The following ARHGAP10 variants were observed in gnomAD, a reference collection of about 807,000 sequenced individuals.
The protein encoded by ARHGAP10 is Rho GTPase activating protein 10, also known as rho GTPase-activating protein 10.
A neutral mutation model predicts 108.6 loss-of-function variants in ARHGAP10; 87 were observed. The observed-to-expected ratio is 0.80, with a 90% CI of 0.67 to 0.96. The LOEUF is 0.96. Ranked by LOEUF, ARHGAP10 falls within the 40% of genes least tolerant of loss-of-function variation. The probability of loss-of-function intolerance (pLI) is 0.00; values close to 1 mark genes in which losing one functional copy is unlikely to be tolerated. For synonymous variants in ARHGAP10, 347 were observed against 341.1 expected, an observed-to-expected ratio of 1.02 and a Z score of -0.19; for missense variants, 939 against 954.5, an observed-to-expected ratio of 0.98 and a Z score of 0.21.
rs568884808 is a variant in ARHGAP10, at chr4:147,886,792, A to G, written c.1034+4860A>G. 8.1e-4 allele frequency among the ~76,000 whole-genome samples: 123 copies of G among 152,212 alleles called. 4 individuals are homozygous for G. The South Asian group carries it at 0.025, about 31-fold the overall frequency. ...TCTTTTTCTTTTTCTTTTCTTTGAGATAGAGTCTCGCTCTGTCACCCAGGC... is the reference window on the plus strand; with the variant it reads ...TCTTTTTCTTTTTCTTTTCTTTGAGGTAGAGTCTCGCTCTGTCACCCAGGC... On this transcript the variant is annotated intron_variant, in intron 10 of 22. Transcript: ENST00000336498.
At chr4:147,732,698 G>A (rs1474952506) in intron 1 of ARHGAP10, among the ~76,000 whole-genome samples, 3 of 151,670 alleles carry the variant, frequency 2.0e-5, no homozygotes. Context: ...CCAGCTGCCA[G>A]CGGGCCCCGC....
chr4:147,908,294 A>T (rs1736584188), intron 11 of ARHGAP10, among the ~76,000 whole-genome samples: 1 of 152,218 alleles, frequency 6.6e-6, no homozygotes, highest in African/African-American at 2.4e-5. Context: ...CGCCCCAGAG[A>T]TGCAGGAAGT....
intron 1 of ARHGAP10, among the ~76,000 whole-genome samples, chr4:147,820,590 T>C: frequency 7.4e-6 from 1 of 134,394 alleles, no homozygotes; most frequent in South Asian, 2.6e-4. Flanking sequence ...GTTTTTTTTT[T>C]TTTTTTTTTT....
chr4:147,844,079 T>C (rs1733533718), intron 3 of ARHGAP10, among the ~76,000 whole-genome samples: 1 of 152,214 alleles, frequency 6.6e-6, no homozygotes, highest in African/African-American at 2.4e-5. Context: ...TGGGCGTTTC[T>C]CAGCATCTGG....
rs796801839 is a variant in ARHGAP10, at chr4:147,947,962, G to A, written c.1391+1258G>A. On this transcript the variant is annotated intron_variant, in intron 15 of 22. Transcript: ENST00000336498. ...GCCACTGTTTTTTTTTTTTTTTTGA[G>A]ACAGAGTCTTGCTGTTGGCCCGGGC... Among the ~76,000 whole-genome samples, 476 of 123,642 alleles carry A rather than the reference G, an allele frequency of 3.8e-3. 2 individuals carry two copies. Among genetic ancestry groups the A allele is most frequent in the African/African-American group, 0.014 (454 of 32,290 alleles). 81.1% of individuals were successfully genotyped at this position (123,642 alleles called of 152,430 possible). A position where few individuals can be genotyped will look rare whatever the true frequency, so the allele number is the denominator to read the frequency against.
At chr4:147,898,192 T>C (rs550344785) in intron 10 of ARHGAP10, among the ~76,000 whole-genome samples, 4 of 87,930 alleles carry the variant, frequency 4.5e-5, no homozygotes, top group African/African-American at 1.2e-4. Flanking sequence ...TAGGCTGCAT[T>C]TCTTGTAATG....
chr4:148,055,463 C>A (rs1399861887), intron 20 of ARHGAP10, among the ~76,000 whole-genome samples: 1 of 152,178 alleles, frequency 6.6e-6, no homozygotes, highest in Non-Finnish European at 1.5e-5. Context: ...CTGAGGCAGG[C>A]AGATCACTTG....
chr4:148,049,832 TGGGGGGG>T (rs1398064644), intron 20 of ARHGAP10, among the ~76,000 whole-genome samples: 1 of 17,050 alleles, frequency 5.9e-5, no homozygotes, highest in Non-Finnish European at 1.3e-4. Context: ...TTTTTTTGGG[TGGGGGGG>T]CGGGGGGCGG....
chr4:147,934,783 G>T (rs1195382521), intron 13 of ARHGAP10, among the ~76,000 whole-genome samples: 2 of 152,210 alleles, frequency 1.3e-5, no homozygotes, highest in Non-Finnish European at 2.9e-5. Context: ...GCAGAGAGCT[G>T]TTATCACACC....
chr4:147,879,485 T>G (rs1735237780), intron 9 of ARHGAP10, 147 bp downstream of exon 9: 1 of 680,646 alleles, frequency 1.5e-6, no homozygotes, highest in Non-Finnish European at 2.3e-6. Flanking sequence ...TGTTTTTGAG[T>G]GAAATGGGCC....
In ARHGAP10 at chr4:147,749,119, C is replaced by T. The variant is rs187500218; in HGVS notation, c.154+16664C>T. ...TAAGTATGCCTTCTATTTTTTTCCC[C>T]GTTGCTTGGTTGATTAATTTTAACC... On this transcript the variant is annotated intron_variant, in intron 1 of 22. Coordinates refer to ENST00000336498, the MANE Select transcript of ARHGAP10 (RefSeq NM_024605.4). Among the ~76,000 whole-genome samples, 8 of 152,102 alleles carry T rather than the reference C, an allele frequency of 5.3e-5. 1 individual carries two copies. The East Asian group carries it at 9.7e-4, about 18-fold the overall frequency.
intron 1 of ARHGAP10, among the ~76,000 whole-genome samples, chr4:147,796,614 C>A (rs902838637): frequency 2.6e-5 from 4 of 152,178 alleles, no homozygotes; most frequent in Non-Finnish European, 5.9e-5. Flanking sequence ...CAAGCTCCGC[C>A]TCCCAGGTTC....
chr4:147,826,640 C>T (rs766848189), intron 3 of ARHGAP10, among the ~76,000 whole-genome samples: 4 of 152,150 alleles, frequency 2.6e-5, no homozygotes, highest in Non-Finnish European at 4.4e-5. Context: ...TACATGGACT[C>T]GACATCCAGC....
intron 1 of ARHGAP10, among the ~76,000 whole-genome samples, chr4:147,773,617 T>A (rs535948323): frequency 6.6e-6 from 1 of 152,330 alleles, no homozygotes; most frequent in East Asian, 1.9e-4. Flanking sequence ...GTTGCCATGA[T>A]GTCATAAGGA....
chr4:148,012,924 G>GTTT (rs560854784), intron 18 of ARHGAP10, among the ~76,000 whole-genome samples: 13,725 of 138,818 alleles, frequency 0.099, 849 homozygotes, highest in African/African-American at 0.18. Flanking sequence ...TATCTGTCTG[G>GTTT]TTTTTTTTTT....
intron 18 of ARHGAP10, among the ~76,000 whole-genome samples, chr4:148,001,443 C>A (rs575270407): frequency 2.6e-5 from 4 of 152,122 alleles, no homozygotes; most frequent in Non-Finnish European, 5.9e-5. Context: ...TTTTCCAATT[C>A]TGTGAAGAAA....
chr4:147,894,251 C>T (rs1449033129), intron 10 of ARHGAP10, among the ~76,000 whole-genome samples: 1 of 152,128 alleles, frequency 6.6e-6, no homozygotes, highest in Non-Finnish European at 1.5e-5. Flanking sequence ...TCTATTTGCT[C>T]CACTTCCTTA....
At chr4:147,887,491 C>T (rs1735619261) in intron 10 of ARHGAP10, among the ~76,000 whole-genome samples, 3 of 152,138 alleles carry the variant, frequency 2.0e-5, no homozygotes, top group Admixed American at 2.0e-4. Flanking sequence ...AACCACCCTT[C>T]CCTTTCATTT....
rs17024291 is a variant in ARHGAP10 at position 148,057,322 on chromosome 4, C to T, written c.2028-5826C>T. Among the ~76,000 whole-genome samples the T allele has an allele frequency of 9.3e-3, 1,410 of 152,290 alleles. 26 individuals carry two copies. The highest frequency in any genetic ancestry group is 0.032 in the African/African-American group (1,314 of 41,556). ...TTGCCTTTAGGTTATGATTGTGCCT[C>T]CTGAATATCCCGGTACTTGCATCTC... On this transcript the variant is annotated intron_variant, in intron 20 of 22. Transcript: ENST00000336498.
Sources: allele counts gnomAD v4.1 joint callset (sites outside exome capture counted in the v4.1 genomes callset), GRCh38; gene constraint gnomAD v4.1.1; transcripts MANE v1.5; gene names NCBI Gene and HGNC (gene_info 2026-07-23, HGNC 2026-07-21).